The following MAGI2 variants were observed in gnomAD, a reference collection of about 807,000 sequenced individuals.
The protein encoded by MAGI2 is membrane-associated guanylate kinase, WW and PDZ domain-containing protein 2.
Under a neutral mutation model 133.3 loss-of-function variants are expected in MAGI2, and 35 were observed. The observed-to-expected ratio is 0.26, with a 90% CI of 0.20 to 0.35. The LOEUF is 0.35. Ranked by LOEUF, MAGI2 falls within the 10% of genes least tolerant of loss-of-function variation. The probability of loss-of-function intolerance (pLI) is 1.00; values close to 1 mark genes in which losing one functional copy is unlikely to be tolerated. For synonymous variants in MAGI2, 729 were observed against 710.6 expected, an observed-to-expected ratio of 1.03 and a Z score of -0.41; for missense variants, 1,636 against 1,863.4, an observed-to-expected ratio of 0.88 and a Z score of 2.25.
Position 78,932,431 on chromosome 7 carries a change from G to A in MAGI2, c.418+74659C>T, listed in dbSNP as rs1423924527. Among the ~76,000 whole-genome samples the A allele has an allele frequency of 2.0e-5, 3 of 151,822 alleles. No homozygotes were observed. In the East Asian group the frequency reaches 5.8e-4, roughly 29 times the overall value. ...AGCAGAGTATGGTGTTAGAGTGACC[G>A]CCATATGTAACCTAAAGAAAGAGAA... On this transcript the variant is annotated intron_variant, in intron 2 of 21. Transcript: ENST00000354212.
intron 2 of MAGI2, among the ~76,000 whole-genome samples, chr7:78,966,688 C>A (rs532139581): frequency 6.6e-6 from 1 of 152,106 alleles, no homozygotes; most frequent in Admixed American, 6.6e-5. Context: ...TGGATAACAC[C>A]CAGAAGTGGG....
intron 21 of MAGI2, chr7:78,078,027 C>G (rs568545555): frequency 1.3e-5 from 2 of 151,054 alleles, no homozygotes; most frequent in East Asian, 3.9e-4. Flanking sequence ...CTGCGCCCAC[C>G]CTAGAAATCT....
At chr7:79,266,036 A>T (rs1329109788) in intron 1 of MAGI2, among the ~76,000 whole-genome samples, 1 of 152,164 alleles carries the variant, frequency 6.6e-6, no homozygotes, top group Admixed American at 6.6e-5. Context: ...AAATTTATTT[A>T]TCTATTAACA....
At chr7:79,016,762 C>T (rs905188152) in intron 1 of MAGI2, among the ~76,000 whole-genome samples, 3 of 152,156 alleles carry the variant, frequency 2.0e-5, no homozygotes, top group South Asian at 4.1e-4. Flanking sequence ...AAACTGGAGA[C>T]TGTCAGCCCC....
intron 1 of MAGI2, among the ~76,000 whole-genome samples, chr7:79,072,908 G>C (rs1158918844): frequency 6.6e-6 from 1 of 152,182 alleles, no homozygotes; most frequent in African/African-American, 2.4e-5. Flanking sequence ...GCTAGGTTCA[G>C]TAGTTGTCCC....
chr7:78,301,605 T>C (rs888730325), intron 9 of MAGI2, among the ~76,000 whole-genome samples: 2 of 152,220 alleles, frequency 1.3e-5, no homozygotes, highest in African/African-American at 4.8e-5. Context: ...CACACTTCAG[T>C]CTGGTTTTTG....
chr7:78,591,610 T>A (rs560637584), intron 3 of MAGI2, among the ~76,000 whole-genome samples: 1 of 152,272 alleles, frequency 6.6e-6, no homozygotes, highest in East Asian at 1.9e-4. Flanking sequence ...CTGATCAGAA[T>A]TAGGAAGGTA....
At chr7:79,061,947 T>A (rs1016213853) in intron 1 of MAGI2, among the ~76,000 whole-genome samples, 9 of 152,126 alleles carry the variant, frequency 5.9e-5, no homozygotes, top group African/African-American at 2.2e-4. Context: ...GAAATCATAA[T>A]GCCTACTTCA....
intron 2 of MAGI2, among the ~76,000 whole-genome samples, chr7:78,816,815 G>C (rs1789623944): frequency 6.6e-6 from 1 of 152,152 alleles, no homozygotes; most frequent in East Asian, 1.9e-4. Context: ...AGATGTACAA[G>C]GAGATTAAAG....
At chr7:78,945,291 G>A (rs2151689649) in intron 2 of MAGI2, among the ~76,000 whole-genome samples, 1 of 151,998 alleles carries the variant, frequency 6.6e-6, no homozygotes, top group East Asian at 1.9e-4. Flanking sequence ...CAAACTCCTG[G>A]GCTCAAGAAA....
chr7:78,170,145 G>T lies in MAGI2; in HGVS notation c.2404-2037C>A, dbSNP rs568729805. 2.0e-5 allele frequency: 3 copies of T among 152,304 alleles called. No homozygotes were observed. The South Asian group carries it at 6.2e-4, about 32-fold the overall frequency. 9.4% of individuals were successfully genotyped at this position (152,304 alleles called of 1,614,324 possible). The stretch of plus-strand genomic sequence containing the variant: ...AAGAAAATGGCTTGTGAACTTCTTG[G>T]CTGGTTAATAATCAATTTTAAGGTA... On this transcript the variant is annotated intron_variant, in intron 14 of 21. Coordinates refer to ENST00000354212, the MANE Select transcript of MAGI2 (RefSeq NM_012301.4).
chr7:78,299,817 T>C (rs753106121), intron 9 of MAGI2, among the ~76,000 whole-genome samples: 11 of 152,226 alleles, frequency 7.2e-5, no homozygotes, highest in Non-Finnish European at 1.3e-4. Flanking sequence ...TTATTCTTTT[T>C]GTTTTCTTCT....
At chr7:78,050,930 G>A (rs1426670130) in intron 21 of MAGI2, among the ~76,000 whole-genome samples, 1 of 152,174 alleles carries the variant, frequency 6.6e-6, no homozygotes, top group Non-Finnish European at 1.5e-5. Flanking sequence ...TTCACACTCA[G>A]TTAATAGGAA....
At chr7:78,567,000 GT>G (rs1195870568) in intron 3 of MAGI2, among the ~76,000 whole-genome samples, 2 of 152,086 alleles carry the variant, frequency 1.3e-5, no homozygotes, top group Non-Finnish European at 2.9e-5. Flanking sequence ...AGGTTTTAAA[GT>G]TTGACTTACT....
At chr7:78,901,562 C>G (rs1307760977) in intron 2 of MAGI2, 1 of 152,036 alleles carries the variant, frequency 6.6e-6, no homozygotes, top group African/African-American at 2.4e-5. Context: ...TTCAAGCAAG[C>G]ACTTTGGTTA....
chr7:78,914,067 A>AAATT (rs1798609148), intron 2 of MAGI2, among the ~76,000 whole-genome samples: 2 of 152,184 alleles, frequency 1.3e-5, no homozygotes, highest in Non-Finnish European at 2.9e-5. Context: ...TTTTGTTTGC[A>AAATT]GATTGAGCTA....
rs1002714543 is a variant in MAGI2 at position 78,185,207 on chromosome 7, G to A, written c.2311+422C>T. Among the ~76,000 whole-genome samples, 12 of 151,734 alleles carry A rather than the reference G, an allele frequency of 7.9e-5. 1 individual carries two copies. The highest frequency in any genetic ancestry group is 7.2e-4 in the Admixed American group (11 of 15,244). ...ATAATTAATGAAATCTTTCTTTTTT[G>A]TTTGGGTACTGTCTTTGAAATCCAG... On this transcript the variant is annotated intron_variant, in intron 13 of 21. Transcript: ENST00000354212.
rs1233341035 is a variant in MAGI2 at position 79,234,016 on chromosome 7, C to T, written c.301+219004G>A. Among the ~76,000 whole-genome samples the T allele has an allele frequency of 4.0e-4, 57 of 142,116 alleles. 1 individual carries two copies. The highest frequency in any genetic ancestry group is 1.3e-3 in the African/African-American group (52 of 38,612). The allele number at this position is 142,116 out of a possible 152,430, so 93.2% of individuals were successfully genotyped here. A position where few individuals can be genotyped will look rare whatever the true frequency, so the allele number is the denominator to read the frequency against. On this transcript the variant is annotated intron_variant, in intron 1 of 21. Transcript: ENST00000354212. The stretch of plus-strand genomic sequence containing the variant: ...TGGTGACAAAATCTCTCAGCATTTG[C>T]TTGTCTGTAAAGTATTTTATTTCTC...
At chr7:79,408,633 A>G (rs763045298) in intron 1 of MAGI2, among the ~76,000 whole-genome samples, 3 of 152,146 alleles carry the variant, frequency 2.0e-5, no homozygotes, top group Non-Finnish European at 4.4e-5. Context: ...TAGTTAGAAA[A>G]TTTAGTTAAG....
Sources: allele counts gnomAD v4.1 joint callset (sites outside exome capture counted in the v4.1 genomes callset), GRCh38; gene constraint gnomAD v4.1.1; transcripts MANE v1.5; gene names NCBI Gene and HGNC (gene_info 2026-07-23, HGNC 2026-07-21).